The following USP34 variants were observed in gnomAD, a reference collection of about 807,000 sequenced individuals.
USP34 encodes the protein ubiquitin specific peptidase 34, also known as ubiquitin carboxyl-terminal hydrolase 34.
In USP34, 70 loss-of-function variants were observed where a neutral mutation model predicts 460.3. That is an observed-to-expected ratio of 0.15 (90% CI 0.13 to 0.19). USP34 has a LOEUF of 0.19. Ranked by LOEUF, USP34 falls within the 10% of genes least tolerant of loss-of-function variation. The pLI is 1.00. For missense variants in USP34, 3,985 were observed against 4,236.2 expected, an observed-to-expected ratio of 0.94 and a Z score of 1.65; for synonymous variants, 1,647 against 1,405.3, an observed-to-expected ratio of 1.17 and a Z score of -3.85.
intron 57 of USP34, among the ~76,000 whole-genome samples, chr2:61,232,906 G>A (rs1000540491): frequency 7.9e-5 from 9 of 113,772 alleles, no homozygotes; most frequent in African/African-American, 3.2e-4. Flanking sequence ...ATCTTGCTCC[G>A]TTGCCCAGGC....
In USP34 at chr2:61,301,395, C is replaced by T. The variant is rs762004205; in HGVS notation, c.3877G>A (p.Asp1293Asn). ...SSGHELTTDY[D>N]EKALHELGFK... is the part of the protein sequence containing the mutation. ...CCAAGCTCATGAAGTGCTTTTTCAT[C>T]ATAATCTGTTGTTAACTCGTGTCCA... Residue 1293 changes from aspartate (D) to asparagine (N), a missense_variant, in exon 28 of 80, where the codon GAT (aspartate) becomes AAT (asparagine). Coordinates refer to ENST00000398571, the MANE Select transcript of USP34 (RefSeq NM_014709.4). 1 of 1,613,932 alleles carries T rather than the reference C, an allele frequency of 6.2e-7. No individual in the cohort carries two copies. The highest frequency in any genetic ancestry group is 1.1e-5 in the South Asian group (1 of 91,048).
intron 44 of USP34, among the ~76,000 whole-genome samples, chr2:61,258,147 A>C (rs1425389375): frequency 1.3e-5 from 2 of 152,100 alleles, no homozygotes; most frequent in African/African-American, 4.8e-5. Flanking sequence ...TGAGCCCAGG[A>C]GTTCAGCACC....
At chr2:61,229,711 T>A (rs561708670) in intron 58 of USP34, 78 bp from the exon 59 acceptor site, 188 of 1,248,888 alleles carry the variant, frequency 1.5e-4, no homozygotes, top group Non-Finnish European at 1.9e-4. Flanking sequence ...TGATTCAAAA[T>A]TCTCTGCCAC....
At chr2:61,323,917 C>G (rs1179140786) in intron 21 of USP34, among the ~76,000 whole-genome samples, 1 of 151,652 alleles carries the variant, frequency 6.6e-6, no homozygotes, top group South Asian at 2.1e-4. Flanking sequence ...TTTTTGAAAT[C>G]TGTTATCCCA....
At chr2:61,289,831 TACAGAAAGC>T (rs1689796928) in intron 33 of USP34, among the ~76,000 whole-genome samples, 1 of 152,046 alleles carries the variant, frequency 6.6e-6, no homozygotes, top group Non-Finnish European at 1.5e-5. Context: ...CTATAAAACT[TACAGAAAGC>T]AGAGGAGAAA....
At chr2:61,439,083 A>G (rs74868699) in intron 1 of USP34, among the ~76,000 whole-genome samples, 1 of 152,232 alleles carries the variant, frequency 6.6e-6, no homozygotes, top group African/African-American at 2.4e-5. Flanking sequence ...CTAGGAAAAA[A>G]GTCTAACAGG....
intron 53 of USP34, among the ~76,000 whole-genome samples, chr2:61,240,469 G>A (rs1346042520): frequency 2.0e-5 from 3 of 152,024 alleles, no homozygotes; most frequent in Non-Finnish European, 4.4e-5. Flanking sequence ...TAGTAGAGAT[G>A]GGGTTTTACC....
chr2:61,229,991 T>C (rs1041627336), intron 58 of USP34, among the ~76,000 whole-genome samples: 2 of 152,072 alleles, frequency 1.3e-5, no homozygotes, highest in Non-Finnish European at 2.9e-5. Flanking sequence ...CTGCTCATCA[T>C]GGGGTCAGCA....
chr2:61,348,075 C>T lies in USP34; in HGVS notation c.2080G>A (p.Ala694Thr). 6.2e-7 allele frequency: 1 copy of T among 1,614,198 alleles called. No homozygotes were observed. Among genetic ancestry groups the T allele is most frequent in the Admixed American group, 1.7e-5 (1 of 60,024 alleles). Residue 694 changes from alanine to threonine, a missense_variant, in exon 15 of 80, where the codon GCT becomes ACT. This residue lies in a region of USP34 where 716 missense variants were observed against 626.2 expected (regional missense o/e 1.14). Coordinates refer to ENST00000398571, the MANE Select transcript of USP34 (RefSeq NM_014709.4). ...SVDNRMRMLD[A>T]CSHSEDPEHD... ...TCTGGGTCTTCAGAGTGTGAACAAG[C>T]ATCCAGCATTCGCATTCGATTATCT... is the stretch of plus-strand genomic sequence containing the variant.
intron 76 of USP34, 104 bp from the exon 77 acceptor site, chr2:61,190,762 C>G: frequency 2.2e-6 from 3 of 1,360,428 alleles, no homozygotes; most frequent in Non-Finnish European, 2.9e-6. Context: ...ATGATGGAAT[C>G]TGAAGCCACT....
At chr2:61,461,044 T>G (rs1034986091) in intron 1 of USP34, among the ~76,000 whole-genome samples, 1 of 151,592 alleles carries the variant, frequency 6.6e-6, no homozygotes, top group Admixed American at 6.6e-5. Flanking sequence ...GTTATTTCAT[T>G]CTTATTAATA....
At chr2:61,319,443 T>C (rs1338639015) in intron 21 of USP34, 116 bp from the exon 22 acceptor site, 1 of 633,878 alleles carries the variant, frequency 1.6e-6, no homozygotes, top group Non-Finnish European at 2.3e-6. Context: ...TTCTTGGAAA[T>C]TGCAATTTTA....
chr2:61,382,790 T>C (rs536660771), intron 6 of USP34, among the ~76,000 whole-genome samples: 1 of 152,290 alleles, frequency 6.6e-6, no homozygotes, highest in Admixed American at 6.5e-5. Context: ...AATGAGACCT[T>C]TCCTGTCCCC....
chr2:61,385,391 C>G (rs142480274), intron 5 of USP34, among the ~76,000 whole-genome samples: 40 of 151,988 alleles, frequency 2.6e-4, no homozygotes, highest in Admixed American at 9.2e-4. Flanking sequence ...CTAAGAAATA[C>G]GACAAGGAGG....
chr2:61,200,153 G>A (rs1469096747), intron 75 of USP34: 1 of 152,398 alleles, frequency 6.6e-6, no homozygotes, highest in Non-Finnish European at 1.5e-5. Context: ...CTGGGCTAAA[G>A]TGATCCTTCC....
chr2:61,299,960 T>C (rs1690169611), intron 29 of USP34, among the ~76,000 whole-genome samples: 1 of 152,090 alleles, frequency 6.6e-6, no homozygotes, highest in South Asian at 2.1e-4. Flanking sequence ...CCCAGTGCCA[T>C]TTCTGTCTTC....
chr2:61,330,920 A>G (rs947027524), intron 20 of USP34, among the ~76,000 whole-genome samples: 3 of 152,178 alleles, frequency 2.0e-5, no homozygotes, highest in South Asian at 2.1e-4. Context: ...TTTGAAGTAA[A>G]TATTTACAAA....
intron 57 of USP34, among the ~76,000 whole-genome samples, chr2:61,232,867 C>G (rs1353018687): frequency 1.7e-5 from 2 of 118,810 alleles, no homozygotes; most frequent in African/African-American, 3.1e-5. Context: ...TATTCCCCCC[C>G]CCCTTTTTTT....
rs1693851492 is a variant in USP34, at chr2:61,405,701, T to C, written c.552+7A>G. The C allele has an allele frequency of 6.6e-7, 1 of 1,519,272 alleles. No individual in the cohort carries two copies. Among genetic ancestry groups the C allele is most frequent in the Non-Finnish European group, 8.8e-7 (1 of 1,137,724 alleles). 94.1% of individuals were successfully genotyped at this position (1,519,272 alleles called of 1,614,324 possible). On this transcript the variant is annotated splice_region_variant and intron_variant, in intron 3 of 79. Coordinates refer to ENST00000398571, the MANE Select transcript of USP34 (RefSeq NM_014709.4). The stretch of plus-strand genomic sequence containing the variant: ...TACTTAAAATTCACACCACCTATTT[T>C]ACATACCTCAATAGTAGGGTGAGTA...
Sources: gnomAD v4.1 joint callset for allele counts (sites outside exome capture counted in the v4.1 genomes callset) on GRCh38, gnomAD v4.1.1 for gene constraint, gnomAD v4.1.1 regional missense constraint, MANE v1.5 for transcripts, NCBI Gene and HGNC (gene_info 2026-07-23, HGNC 2026-07-21) for gene names.